The following RAB20 variants were observed in gnomAD, a reference collection of about 807,000 sequenced individuals.
The protein encoded by RAB20 is ras-related protein Rab-20.
Under a neutral mutation model 3.7 loss-of-function variants are expected in RAB20, and 2 were observed. That is an observed-to-expected ratio of 0.54 (90% CI 0.22 to 1.69). The LOEUF is 1.69. Ranked by LOEUF, RAB20 falls within the 40% of genes most tolerant of loss-of-function variation. RAB20 has a pLI of 0.19. For missense variants in RAB20, 276 were observed against 311.9 expected (o/e 0.88, Z 0.87); for synonymous variants, 126 against 130.8 (o/e 0.96, Z 0.25).
At chr13:110,537,365 C>T (rs1884665679) in intron 1 of RAB20, among the ~76,000 whole-genome samples, 1 of 151,914 alleles carries the variant, frequency 6.6e-6, no homozygotes. Flanking sequence ...AAGCAATGCC[C>T]TCTAACCCAA....
chr13:110,543,198 G>A (rs1429396697), intron 1 of RAB20, among the ~76,000 whole-genome samples: 1 of 152,112 alleles, frequency 6.6e-6, no homozygotes, highest in Admixed American at 6.5e-5. Context: ...GTGCGGTGGT[G>A]TGATCTTGGC....
intron 1 of RAB20, among the ~76,000 whole-genome samples, chr13:110,527,034 G>T (rs1355578183): frequency 6.6e-6 from 1 of 152,102 alleles, no homozygotes; most frequent in Non-Finnish European, 1.5e-5. Context: ...TTGGAGCATG[G>T]ACTGAACGCA....
intron 1 of RAB20, among the ~76,000 whole-genome samples, chr13:110,541,894 C>T (rs537615971): frequency 5.4e-4 from 82 of 152,138 alleles, no homozygotes; most frequent in African/African-American, 1.9e-3. Flanking sequence ...CTCACAGTTG[C>T]ATTTCTTTCT....
At chr13:110,528,191 C>T (rs532772830) in intron 1 of RAB20, among the ~76,000 whole-genome samples, 1 of 151,908 alleles carries the variant, frequency 6.6e-6, no homozygotes, top group Non-Finnish European at 1.5e-5. Flanking sequence ...CCGGGGTGGG[C>T]GGATCACCTG....
intron 1 of RAB20, among the ~76,000 whole-genome samples, chr13:110,549,532 T>C (rs569978219): frequency 1.2e-4 from 18 of 152,308 alleles, no homozygotes; most frequent in Non-Finnish European, 2.1e-4. Flanking sequence ...TCTGACCTTC[T>C]CCTGTCCTCC....
At position 110,524,052 on chromosome 13, in the gene RAB20, G is replaced by A. The variant is rs1884385417; in HGVS notation, c.318C>T (p.Cys106=). The A allele has an allele frequency of 6.2e-7, 1 of 1,613,950 alleles. No individual in the cohort carries two copies. Among genetic ancestry groups the A allele is most frequent in the Non-Finnish European group, 8.5e-7 (1 of 1,180,038 alleles). The change falls in exon 2 of 2, where the codon TGC becomes TGT. Residue 106 remains cysteine (C), a synonymous_variant. Coordinates refer to ENST00000267328, the MANE Select transcript of RAB20 (RefSeq NM_017817.3). ...LGLTDTASKD[C]LFAIVGNKVD... ...CTTTGTTCCCCACGATGGCAAAGAG[G>A]CAGTCTTTGCTGGCTGTGTCTGTCA... is the stretch of plus-strand genomic sequence containing the variant.
intron 1 of RAB20, among the ~76,000 whole-genome samples, chr13:110,549,880 A>T (rs1969889): frequency 1.3e-5 from 2 of 151,858 alleles, no homozygotes; most frequent in Admixed American, 6.6e-5. Flanking sequence ...CGCGCCACCA[A>T]GCGCAGCTAA....
At chr13:110,557,103 G>C (rs1380148348) in intron 1 of RAB20, among the ~76,000 whole-genome samples, 1 of 152,150 alleles carries the variant, frequency 6.6e-6, no homozygotes, top group Non-Finnish European at 1.5e-5. Context: ...TCCTCGTAGT[G>C]AACACCTCCA....
chr13:110,543,315 G>C (rs1884798069), intron 1 of RAB20, among the ~76,000 whole-genome samples: 1 of 151,920 alleles, frequency 6.6e-6, no homozygotes, highest in Admixed American at 6.6e-5. Context: ...TTTTTTTGTA[G>C]AGACAGGGTC....
In RAB20 at chr13:110,555,485, AGGCTG is replaced by A; in HGVS notation, c.172+5858_172+5862del. 6.6e-6 allele frequency among the ~76,000 whole-genome samples: 1 copy of A among 152,298 alleles called. No individual in the cohort carries two copies. Among genetic ancestry groups the A allele is most frequent in the East Asian group, 1.9e-4 (1 of 5,172 alleles). The stretch of plus-strand genomic sequence containing the variant: ...CATCAGCATCCTCTAAAGAGGCCAG[AGGCTG>A]GGCCCATCTCTCTTCCACATCTTTG... On this transcript the variant is annotated intron_variant, in intron 1 of 1. Coordinates refer to ENST00000267328, the MANE Select transcript of RAB20 (RefSeq NM_017817.3). This position sits in a 1 kb window ranked among gnomAD's most constrained non-coding sequence, Gnocchi z 4.0.
intron 1 of RAB20, among the ~76,000 whole-genome samples, chr13:110,542,734 T>C (rs1309963779): frequency 6.6e-6 from 1 of 152,206 alleles, no homozygotes; most frequent in African/African-American, 2.4e-5. Flanking sequence ...GAAGCTTAGG[T>C]TGATTCTGTA....
At chr13:110,531,134 G>T (rs1387461884) in intron 1 of RAB20, among the ~76,000 whole-genome samples, 1 of 152,178 alleles carries the variant, frequency 6.6e-6, no homozygotes, top group Non-Finnish European at 1.5e-5. Context: ...ACAGGAGGAG[G>T]AACTGAGGCA....
At chr13:110,548,591 A>C (rs537612379) in intron 1 of RAB20, among the ~76,000 whole-genome samples, 2 of 151,882 alleles carry the variant, frequency 1.3e-5, no homozygotes, top group Non-Finnish European at 2.9e-5. Flanking sequence ...CGGTGGGCTC[A>C]CCTGATTTCT....
chr13:110,537,306 G>C (rs117669679), intron 1 of RAB20, among the ~76,000 whole-genome samples: 2 of 151,730 alleles, frequency 1.3e-5, no homozygotes, highest in East Asian at 3.9e-4. Flanking sequence ...TACCACGCCC[G>C]GCCGCTTTAC....
intron 1 of RAB20, among the ~76,000 whole-genome samples, chr13:110,533,424 T>C (rs575289103): frequency 1.3e-5 from 2 of 152,218 alleles, no homozygotes; most frequent in East Asian, 3.8e-4. Flanking sequence ...GGTTCATACC[T>C]GTAATCCTAG....
chr13:110,561,590 A>C lies in RAB20; in HGVS notation c.-71T>G. 1 of 1,492,386 alleles carries C rather than the reference A, an allele frequency of 6.7e-7. No individual in the cohort carries two copies. The highest frequency in any genetic ancestry group is 1.5e-5 in the African/African-American group (1 of 67,978). 92.4% of individuals were successfully genotyped at this position (1,492,386 alleles called of 1,614,324 possible). A position where few individuals can be genotyped will look rare whatever the true frequency, so the allele number is the denominator to read the frequency against. On this transcript the variant is annotated 5_prime_UTR_variant, in exon 1 of 2. Coordinates refer to ENST00000267328, the MANE Select transcript of RAB20 (RefSeq NM_017817.3). Reference sequence around the variant, plus strand: ...TGGCCGGCTCGTGCGCCCTGGGCGCAGCTGGAGGAGCGGACCCCGGACTCG... The same window carrying C: ...TGGCCGGCTCGTGCGCCCTGGGCGCCGCTGGAGGAGCGGACCCCGGACTCG...
rs1884641818 is a variant in RAB20 at position 110,536,538 on chromosome 13, G to A, written c.173-12341C>T. 1.3e-5 allele frequency among the ~76,000 whole-genome samples: 2 copies of A among 152,152 alleles called. 1 individual carries two copies. Among genetic ancestry groups the A allele is most frequent in the South Asian group, 4.1e-4 (2 of 4,828 alleles). ...AGAATCAAGATGATGATGAACTTCA[G>A]TGAACCCCACTAAAGGAGAAGTCAG... On this transcript the variant is annotated intron_variant, in intron 1 of 1. Coordinates refer to ENST00000267328, the MANE Select transcript of RAB20 (RefSeq NM_017817.3).
intron 1 of RAB20, among the ~76,000 whole-genome samples, chr13:110,535,489 C>T (rs920220011): frequency 3.9e-5 from 6 of 152,364 alleles, no homozygotes; most frequent in African/African-American, 1.4e-4. Context: ...ATCCTTAAAC[C>T]ACTCTGGGAA....
At chr13:110,558,699 T>G (rs1315143998) in intron 1 of RAB20, among the ~76,000 whole-genome samples, 1 of 129,118 alleles carries the variant, frequency 7.7e-6, no homozygotes. Context: ...CATCTGTTTT[T>G]TTTTTTTTTT....
Sources: gnomAD v4.1 joint callset for allele counts (sites outside exome capture counted in the v4.1 genomes callset) on GRCh38, gnomAD v4.1.1 for gene constraint, Gnocchi (gnomAD v3.1) non-coding constraint, MANE v1.5 for transcripts, NCBI Gene and HGNC (gene_info 2026-07-23, HGNC 2026-07-21) for gene names.